PTGR2: variants seen among roughly 807,000 people sequenced by gnomAD.
PTGR2 encodes 15-oxoprostaglandin 13-reductase.
A neutral mutation model predicts 43.4 loss-of-function variants in PTGR2; 32 were observed. That is an observed-to-expected ratio of 0.74 (90% confidence interval 0.56 to 0.99). The LOEUF (loss-of-function observed/expected upper bound fraction) is 0.99, where lower values mean the gene tolerates loss of function less well. PTGR2 is among the 50% of genes least tolerant of loss of function. The probability of loss-of-function intolerance (pLI) is 0.00; values close to 1 mark genes in which losing one functional copy is unlikely to be tolerated. For missense variants in PTGR2, 373 were observed against 420.0 expected, an observed-to-expected ratio of 0.89 and a Z score of 0.98; for synonymous variants, 106 against 139.2, an observed-to-expected ratio of 0.76 and a Z score of 1.68.
chr14:73,860,247 C>A (rs1046310124), intron 2 of PTGR2, among the ~76,000 whole-genome samples: 2 of 151,790 alleles, frequency 1.3e-5, no homozygotes, highest in Non-Finnish European at 2.9e-5. Context: ...GTGGGCAGAT[C>A]GTGAGGTCAG....
chr14:73,868,820 T>C (rs1190443608), intron 3 of PTGR2, among the ~76,000 whole-genome samples: 2 of 152,132 alleles, frequency 1.3e-5, no homozygotes, highest in Admixed American at 6.5e-5. Flanking sequence ...GGCCATGCTC[T>C]TCCTTGCTCC....
At position 73,885,591 on chromosome 14, in the gene PTGR2, T is replaced by G. The variant is rs1443408804; in HGVS notation, c.*1414T>G. ...TTCGTGAGTGGCCCTTTTTTGTTAC[T>G]TTTCCTGGACCATTTCATCGCCTGA... is the stretch of plus-strand genomic sequence containing the variant. On this transcript the variant is annotated 3_prime_UTR_variant, in exon 10 of 10. Coordinates refer to ENST00000555661, the MANE Select transcript of PTGR2 (RefSeq NM_001146154.2). 1 of 152,186 alleles carries G rather than the reference T, an allele frequency of 6.6e-6. No individual in the cohort carries two copies. Among genetic ancestry groups the G allele is most frequent in the Non-Finnish European group, 1.5e-5 (1 of 68,038 alleles). The allele number at this position is 152,186 out of a possible 1,614,324, so 9.4% of individuals were successfully genotyped here. A position where few individuals can be genotyped will look rare whatever the true frequency, so the allele number is the denominator to read the frequency against.
At chr14:73,882,778 G>A (rs568575355) in intron 9 of PTGR2, among the ~76,000 whole-genome samples, 1 of 135,600 alleles carries the variant, frequency 7.4e-6, no homozygotes, top group East Asian at 2.3e-4. Context: ...GGGATTACAA[G>A]CGTGAGCCAC....
intron 1 of PTGR2, among the ~76,000 whole-genome samples, chr14:73,857,049 A>C (rs2054364172): frequency 6.6e-6 from 1 of 151,978 alleles, no homozygotes; most frequent in Non-Finnish European, 1.5e-5. Context: ...AGATGGGAGG[A>C]TCACTTGAGC....
At chr14:73,881,501 A>T (rs997182749) in intron 8 of PTGR2, among the ~76,000 whole-genome samples, 2 of 152,110 alleles carry the variant, frequency 1.3e-5, no homozygotes, top group African/African-American at 4.8e-5. Flanking sequence ...TTTATCTAAA[A>T]TTTTTTAGCT....
intron 1 of PTGR2, among the ~76,000 whole-genome samples, chr14:73,856,808 G>A (rs2054358773): frequency 1.3e-5 from 2 of 152,204 alleles, no homozygotes; most frequent in Non-Finnish European, 2.9e-5. Context: ...ATGTATCCCA[G>A]TAGTCAAGCT....
chr14:73,884,323 T>C lies in PTGR2; in HGVS notation c.*146T>C, dbSNP rs2055074658. On this transcript the variant is annotated 3_prime_UTR_variant, in exon 10 of 10. Coordinates refer to ENST00000555661, the MANE Select transcript of PTGR2 (RefSeq NM_001146154.2). ...ATTTTTAGTTGCATAGGGTATTTGATACAATCATTAATGGATCATACACAA... is the reference window on the plus strand; with the variant it reads ...ATTTTTAGTTGCATAGGGTATTTGACACAATCATTAATGGATCATACACAA... 1 of 562,174 alleles carries C rather than the reference T, an allele frequency of 1.8e-6. No homozygotes were observed. Among genetic ancestry groups the C allele is most frequent in the South Asian group, 2.3e-5 (1 of 43,026 alleles). 34.8% of individuals were successfully genotyped at this position (562,174 alleles called of 1,614,324 possible). A position where few individuals can be genotyped will look rare whatever the true frequency, so the allele number is the denominator to read the frequency against.
In PTGR2 at chr14:73,884,998, A is replaced by G. The variant is rs1022169386; in HGVS notation, c.*821A>G. On this transcript the variant is annotated 3_prime_UTR_variant, in exon 10 of 10. Coordinates refer to ENST00000555661, the MANE Select transcript of PTGR2 (RefSeq NM_001146154.2). ...GTAAACATCACTTGTAGGTGATTAA[A>G]AAGATTGACAGCCGGGCCTGATGTC... The G allele has an allele frequency of 6.6e-6, 1 of 152,214 alleles. No individual in the cohort carries two copies. Among genetic ancestry groups the G allele is most frequent in the African/African-American group, 2.4e-5 (1 of 41,442 alleles). The allele number at this position is 152,214 out of a possible 1,614,324, so 9.4% of individuals were successfully genotyped here. A position where few individuals can be genotyped will look rare whatever the true frequency, so the allele number is the denominator to read the frequency against.
At chr14:73,870,120 G>A (rs3926910) in intron 3 of PTGR2, among the ~76,000 whole-genome samples, 11,459 of 151,540 alleles carry the variant, frequency 0.076, 891 homozygotes, top group East Asian at 0.44. Context: ...ATGGCTTGAA[G>A]CCATGAGTTC....
At chr14:73,878,490 C>A (rs2054912677) in intron 5 of PTGR2, 1 of 173,070 alleles carries the variant, frequency 5.8e-6, no homozygotes, top group African/African-American at 2.4e-5. Flanking sequence ...CCTATGCATT[C>A]AGTGGAAGCC....
intron 4 of PTGR2, chr14:73,874,444 A>G: frequency 1.8e-6 from 1 of 555,752 alleles, no homozygotes; most frequent in Non-Finnish European, 3.3e-6. Context: ...TAAACTGACA[A>G]TAAACAGATT....
intron 1 of PTGR2, among the ~76,000 whole-genome samples, chr14:73,853,455 T>C (rs2054276769): frequency 6.6e-6 from 1 of 152,040 alleles, no homozygotes; most frequent in Admixed American, 6.6e-5. Context: ...CCAGAGTAGC[T>C]GGGATTACAG....
At chr14:73,879,022 T>C in intron 5 of PTGR2, 74 bp from the exon 6 acceptor site, 2 of 1,198,708 alleles carry the variant, frequency 1.7e-6, no homozygotes, top group Non-Finnish European at 2.4e-6. Flanking sequence ...ACCTGTAATA[T>C]CTTGTATACT....
intron 3 of PTGR2, 150 bp from the exon 4 acceptor site, chr14:73,873,873 G>T: frequency 1.8e-6 from 1 of 563,404 alleles, no homozygotes. Context: ...GTTGTTTCAG[G>T]TCTTATGTTT....
intron 3 of PTGR2, among the ~76,000 whole-genome samples, chr14:73,863,216 C>T (rs2054533187): frequency 6.6e-6 from 1 of 152,228 alleles, no homozygotes; most frequent in Non-Finnish European, 1.5e-5. Context: ...TCACCCCACC[C>T]TCTGCTGTAT....
chr14:73,870,735 C>T (rs977264875), intron 3 of PTGR2, among the ~76,000 whole-genome samples: 1 of 152,158 alleles, frequency 6.6e-6, no homozygotes, highest in Non-Finnish European at 1.5e-5. Flanking sequence ...AAGCGATCCT[C>T]CTGCCTCAGC....
chr14:73,877,251 C>T, intron 5 of PTGR2, 83 bp downstream of exon 5: 1 of 1,213,010 alleles, frequency 8.2e-7, no homozygotes, highest in Non-Finnish European at 1.2e-6. Flanking sequence ...TATATGTATA[C>T]CATTAAAAAT....
chr14:73,857,818 G>A (rs1210254998), intron 1 of PTGR2, among the ~76,000 whole-genome samples: 2 of 151,340 alleles, frequency 1.3e-5, no homozygotes, highest in East Asian at 3.9e-4. Context: ...ACAGGCTCCC[G>A]CTACCACGCC....
In PTGR2 at chr14:73,883,676, G is replaced by A. The variant is rs1265805390; in HGVS notation, c.980-425G>A. On this transcript the variant is annotated intron_variant, in intron 9 of 9. Coordinates refer to ENST00000555661, the MANE Select transcript of PTGR2 (RefSeq NM_001146154.2). ...GATTTTTGTATTTTTAGTAGAGATG[G>A]GGTTTCACCATGTTGGTCAGGCTGG... is the stretch of plus-strand genomic sequence containing the variant. Among the ~76,000 whole-genome samples, 3 of 151,584 alleles carry A rather than the reference G, an allele frequency of 2.0e-5. No individual in the cohort carries two copies. In the East Asian group the frequency reaches 5.8e-4, roughly 30 times the overall value.
Sources: gnomAD v4.1 joint callset for allele counts (sites outside exome capture counted in the v4.1 genomes callset) on GRCh38, gnomAD v4.1.1 for gene constraint, MANE v1.5 for transcripts, NCBI Gene and HGNC (gene_info 2026-07-23, HGNC 2026-07-21) for gene names.